SDK1: variants seen among roughly 807,000 people sequenced by gnomAD.
The protein encoded by SDK1 is protein sidekick-1.
SDK1 carries 157 observed loss-of-function variants against 245.5 expected under a neutral mutation model. The observed-to-expected ratio is 0.64, with a 90% CI of 0.56 to 0.73. The LOEUF (loss-of-function observed/expected upper bound fraction) is 0.73. SDK1 is among the 30% of genes least tolerant of loss of function. SDK1 has a pLI of 0.00. For synonymous variants in SDK1, 1,647 were observed against 1,278.5 expected (o/e 1.29, Z -6.15); for missense variants, 3,583 against 3,002.3 (o/e 1.19, Z -4.52).
At chr7:3,683,457 A>G (rs1469824404) in intron 4 of SDK1, among the ~76,000 whole-genome samples, 1 of 152,210 alleles carries the variant, frequency 6.6e-6, no homozygotes, top group African/African-American at 2.4e-5. Flanking sequence ...ATCAGAGGTT[A>G]TTATAATGAT....
At chr7:3,616,738 TTTATA>T (rs1176764544) in intron 1 of SDK1, among the ~76,000 whole-genome samples, 1 of 152,206 alleles carries the variant, frequency 6.6e-6, no homozygotes, top group African/African-American at 2.4e-5. Flanking sequence ...AACCTATGTA[TTTATA>T]TTTAAATTCT....
intron 30 of SDK1, among the ~76,000 whole-genome samples, chr7:4,155,851 G>A (rs1780697106): frequency 6.6e-6 from 1 of 152,164 alleles, no homozygotes. Context: ...TGTCCTTGTG[G>A]ATGTTGAGTC....
chr7:3,667,482 T>A (rs1451006712), intron 4 of SDK1, among the ~76,000 whole-genome samples: 2 of 152,202 alleles, frequency 1.3e-5, no homozygotes, highest in African/African-American at 4.8e-5. Context: ...TAGAATTCAC[T>A]CTTTTTGATA....
intron 28 of SDK1, among the ~76,000 whole-genome samples, chr7:4,144,192 C>T (rs1471843995): frequency 1.3e-5 from 2 of 152,122 alleles, no homozygotes; most frequent in South Asian, 2.1e-4. Flanking sequence ...AGGCTGCCCT[C>T]GGTCAGTCAG....
chr7:3,818,963 C>A (rs1332186184), intron 4 of SDK1, among the ~76,000 whole-genome samples: 1 of 152,142 alleles, frequency 6.6e-6, no homozygotes, highest in Non-Finnish European at 1.5e-5. Flanking sequence ...AAAATCAGGG[C>A]CGCTAAGAAA....
At chr7:3,595,567 T>A (rs1223389320) in intron 1 of SDK1, among the ~76,000 whole-genome samples, 1 of 152,028 alleles carries the variant, frequency 6.6e-6, no homozygotes, top group Non-Finnish European at 1.5e-5. Flanking sequence ...TATAATTCTA[T>A]TCATTTTTAG....
At chr7:3,637,997 T>G (rs1308366093) in intron 2 of SDK1, among the ~76,000 whole-genome samples, 2 of 152,254 alleles carry the variant, frequency 1.3e-5, no homozygotes, top group African/African-American at 4.8e-5. Context: ...TAGGAATCTT[T>G]GGAAATTCTG....
intron 5 of SDK1, among the ~76,000 whole-genome samples, chr7:3,903,519 T>C (rs116802257): frequency 0.017 from 2,646 of 152,256 alleles, 79 homozygotes; most frequent in African/African-American, 0.059. Flanking sequence ...ATACATTGTT[T>C]ATAGGATTGT....
chr7:3,434,345 G>A (rs764702538), intron 1 of SDK1, among the ~76,000 whole-genome samples: 4 of 152,110 alleles, frequency 2.6e-5, no homozygotes, highest in Non-Finnish European at 5.9e-5. Flanking sequence ...CTTGGTTTTG[G>A]TATATGAGGT....
chr7:4,157,713 G>A (rs1780855989), intron 30 of SDK1, among the ~76,000 whole-genome samples: 1 of 152,150 alleles, frequency 6.6e-6, no homozygotes, highest in Admixed American at 6.5e-5. Flanking sequence ...TACTAGTCTT[G>A]TAGCAGTGGG....
intron 1 of SDK1, chr7:3,338,155 G>T (rs1780252083): frequency 8.9e-6 from 2 of 225,618 alleles, no homozygotes; most frequent in Admixed American, 4.6e-5. Flanking sequence ...AAAGGGAGAG[G>T]CACCTGGTAT....
intron 4 of SDK1, among the ~76,000 whole-genome samples, chr7:3,780,158 G>C (rs2115010784): frequency 6.6e-6 from 1 of 152,300 alleles, no homozygotes; most frequent in East Asian, 1.9e-4. Context: ...AGGAGAGTGA[G>C]AAGAATGGTC....
chr7:3,790,436 G>C (rs79610912), intron 4 of SDK1, among the ~76,000 whole-genome samples: 1,989 of 152,200 alleles, frequency 0.013, 54 homozygotes, highest in African/African-American at 0.046. Flanking sequence ...AGAGAATAGT[G>C]TGGAAAGGTG....
At chr7:3,780,560 G>A (rs1455803041) in intron 4 of SDK1, among the ~76,000 whole-genome samples, 1 of 152,160 alleles carries the variant, frequency 6.6e-6, no homozygotes, top group African/African-American at 2.4e-5. Flanking sequence ...TACCTAGCCT[G>A]AGTTCCTAGA....
At chr7:3,995,489 C>T (rs1784633418) in intron 14 of SDK1, among the ~76,000 whole-genome samples, 1 of 152,334 alleles carries the variant, frequency 6.6e-6, no homozygotes, top group African/African-American at 2.4e-5. Context: ...CCAACACCTC[C>T]CTCCTGAGTT....
At chr7:3,631,357 A>T (rs1782282515) in intron 2 of SDK1, among the ~76,000 whole-genome samples, 1 of 152,140 alleles carries the variant, frequency 6.6e-6, no homozygotes, top group South Asian at 2.1e-4. Flanking sequence ...ACCCAACCTA[A>T]TTGTGTGTAA....
chr7:3,571,509 T>C (rs1780115923), intron 1 of SDK1, among the ~76,000 whole-genome samples: 2 of 151,970 alleles, frequency 1.3e-5, no homozygotes, highest in South Asian at 4.1e-4. Flanking sequence ...CTTGCTGTGT[T>C]GCCCAAGCTG....
chr7:3,980,380 A>C (rs1478311769), intron 13 of SDK1, among the ~76,000 whole-genome samples: 1 of 152,092 alleles, frequency 6.6e-6, no homozygotes, highest in African/African-American at 2.4e-5. Context: ...TTCAATTACA[A>C]AGTGACTCAG....
Position 3,993,444 on chromosome 7 carries a change from A to T in SDK1, c.2131+6122A>T, listed in dbSNP as rs1023305338. ...ACATATTAAACATTCAGAATCCTTC[A>T]TTCTACTCAGTCCTACGGTTAGTTT... On this transcript the variant is annotated intron_variant, in intron 14 of 44. Transcript: ENST00000404826. Among the ~76,000 whole-genome samples the T allele has an allele frequency of 4.6e-5, 7 of 152,280 alleles. No individual in the cohort carries two copies. The South Asian group carries it at 1.0e-3, about 23-fold the overall frequency.
Sources: allele counts gnomAD v4.1 joint callset (sites outside exome capture counted in the v4.1 genomes callset), GRCh38; gene constraint gnomAD v4.1.1; transcripts MANE v1.5; gene names NCBI Gene and HGNC (gene_info 2026-07-23, HGNC 2026-07-21).